Variants in STN1 observed in about 807,000 individuals in gnomAD.
The protein encoded by STN1 is CST complex subunit STN1.
A neutral mutation model predicts 45.5 loss-of-function variants in STN1; 29 were observed. The ratio of observed to expected loss-of-function variants is 0.64; its 90% CI spans 0.47 to 0.87. The LOEUF is 0.87. Ranked by LOEUF, STN1 falls within the 40% of genes least tolerant of loss-of-function variation. STN1 has a pLI of 0.00. For synonymous variants in STN1, 148 were observed against 159.0 expected (o/e 0.93, Z 0.52); for missense variants, 376 against 441.4 (o/e 0.85, Z 1.33).
Position 103,878,082 on chromosome 10 carries a change from A to C in STN1, c.*4602T>G, listed in dbSNP as rs150292187. 3.9e-5 allele frequency: 6 copies of C among 152,340 alleles called. No homozygotes were observed. The East Asian group carries it at 1.2e-3, about 29-fold the overall frequency. The allele number at this position is 152,340 out of a possible 1,614,324, so 9.4% of individuals were successfully genotyped here. Reference sequence around the variant, plus strand: ...GCATCCTGGCACACCATCAGAGGAGAAAATAATGAGAAAGAAGTGTCTTAC... The same window carrying C: ...GCATCCTGGCACACCATCAGAGGAGCAAATAATGAGAAAGAAGTGTCTTAC... On this transcript the variant is annotated 3_prime_UTR_variant, in exon 10 of 10. Transcript: ENST00000224950.
rs745378409 is a variant in STN1, at chr10:103,882,044, G to A, written c.*640C>T. Among the ~76,000 whole-genome samples, 12 of 152,178 alleles carry A rather than the reference G, an allele frequency of 7.9e-5. No individual in the cohort carries two copies. The highest frequency in any genetic ancestry group is 2.0e-4 in the Admixed American group (3 of 15,278). On this transcript the variant is annotated 3_prime_UTR_variant, in exon 10 of 10. Coordinates refer to ENST00000224950, the MANE Select transcript of STN1 (RefSeq NM_024928.5). ...ACTGGGACACCTTTCGATTCCCAAG[G>A]AAATAAAAGGAAAATGACAAACACA...
chr10:103,883,014 G>C (rs563975587), intron 9 of STN1, among the ~76,000 whole-genome samples, 173 bp from the exon 10 acceptor site: 14 of 152,298 alleles, frequency 9.2e-5, no homozygotes, highest in African/African-American at 3.4e-4. Flanking sequence ...AGAAACACCT[G>C]TTCTCAGGCC....
intron 3 of STN1, among the ~76,000 whole-genome samples, chr10:103,906,039 C>T (rs1843238614): frequency 2.0e-5 from 3 of 152,254 alleles, no homozygotes; most frequent in Admixed American, 6.5e-5. Flanking sequence ...TGTAAAAGCA[C>T]ACACAATCCT....
At chr10:103,896,412 G>A (rs1383206817) in intron 7 of STN1, among the ~76,000 whole-genome samples, 1 of 152,040 alleles carries the variant, frequency 6.6e-6, no homozygotes, top group East Asian at 1.9e-4. Flanking sequence ...GGGCAAGGAG[G>A]GACATTTAAG....
intron 3 of STN1, among the ~76,000 whole-genome samples, chr10:103,906,535 C>T (rs1843242634): frequency 6.6e-6 from 1 of 152,026 alleles, no homozygotes; most frequent in Non-Finnish European, 1.5e-5. Context: ...GTGGTATGTG[C>T]CTGTAGTCCC....
chr10:103,883,369 G>A (rs1843083405), intron 9 of STN1, among the ~76,000 whole-genome samples: 1 of 151,944 alleles, frequency 6.6e-6, no homozygotes, highest in Non-Finnish European at 1.5e-5. Flanking sequence ...TCTTATCTGT[G>A]ATGGTTGTAT....
At chr10:103,899,624 C>T (rs1589499675) in intron 5 of STN1, among the ~76,000 whole-genome samples, 1 of 152,002 alleles carries the variant, frequency 6.6e-6, no homozygotes, top group East Asian at 1.9e-4. Context: ...GAATTTGAGG[C>T]TGCATTGGGC....
At chr10:103,909,545 T>TATATATGTAC (rs1843276556) in intron 3 of STN1, among the ~76,000 whole-genome samples, 2 of 72,072 alleles carry the variant, frequency 2.8e-5, no homozygotes, top group African/African-American at 7.2e-5. Flanking sequence ...TATATGTACA[T>TATATATGTAC]ATATATATGC....
In STN1 at chr10:103,897,530, T is replaced by TG. The variant is rs769391981; in HGVS notation, c.753+17dup. The TG allele has an allele frequency of 6.2e-7, 1 of 1,611,924 alleles. No individual in the cohort carries two copies. Among genetic ancestry groups the TG allele is most frequent in the Non-Finnish European group, 8.5e-7 (1 of 1,178,512 alleles). ...GGGGCAGGGAACCAGAATTCTCACA[T>TG]GGGCATGCTGCACTCACTTGGTCGG... is the stretch of plus-strand genomic sequence containing the variant. On this transcript the variant is annotated intron_variant, in intron 7 of 9. Coordinates refer to ENST00000224950, the MANE Select transcript of STN1 (RefSeq NM_024928.5).
chr10:103,910,195 A>G (rs941185913), intron 3 of STN1, among the ~76,000 whole-genome samples: 1 of 152,124 alleles, frequency 6.6e-6, no homozygotes, highest in African/African-American at 2.4e-5. Context: ...ACCACATATT[A>G]CCACGCTTTG....
intron 9 of STN1, among the ~76,000 whole-genome samples, chr10:103,884,362 T>G (rs554089803): frequency 7.7e-4 from 118 of 152,266 alleles, no homozygotes; most frequent in Non-Finnish European, 1.3e-3. Flanking sequence ...AGAGCAGAAA[T>G]AGAACGTTAC....
rs976509429 is a variant in STN1, at chr10:103,880,232, C to T, written c.*2452G>A. ...CCCTACCCAAAGGCAGGAAAGTCCC[C>T]TTAATATGGGGGAGTCTGGGTCTTT... On this transcript the variant is annotated 3_prime_UTR_variant, in exon 10 of 10. Coordinates refer to ENST00000224950, the MANE Select transcript of STN1 (RefSeq NM_024928.5). Among the ~76,000 whole-genome samples the T allele has an allele frequency of 6.6e-6, 1 of 152,160 alleles. No individual in the cohort carries two copies. Among genetic ancestry groups the T allele is most frequent in the East Asian group, 1.9e-4 (1 of 5,192 alleles).
rs563872938 is a variant in STN1, at chr10:103,912,289, C to T, written c.134-1667G>A. 4.4e-4 allele frequency among the ~76,000 whole-genome samples: 67 copies of T among 152,248 alleles called. 3 individuals carry two copies. The highest frequency in any genetic ancestry group is 1.6e-3 in the African/African-American group (66 of 41,540). ...CCCATGCTGGCCTCAAACTCTTGGC[C>T]TCCCAAAGCACTAGAATTATAGGTG... On this transcript the variant is annotated intron_variant, in intron 2 of 9. Coordinates refer to ENST00000224950, the MANE Select transcript of STN1 (RefSeq NM_024928.5).
At chr10:103,886,600 G>C (rs1431215336) in intron 9 of STN1, among the ~76,000 whole-genome samples, 1 of 152,138 alleles carries the variant, frequency 6.6e-6, no homozygotes, top group Non-Finnish European at 1.5e-5. Flanking sequence ...CCTCCTTCCA[G>C]ATCAATATTA....
rs1843042773 is a variant in STN1 at position 103,878,159 on chromosome 10, A to C, written c.*4525T>G. On this transcript the variant is annotated 3_prime_UTR_variant, in exon 10 of 10. Coordinates refer to ENST00000224950, the MANE Select transcript of STN1 (RefSeq NM_024928.5). ...CATATGGGCATAATCATGGCTCTTC[A>C]AACAAATCCTTGACCAGACAGTAGC... The C allele has an allele frequency of 6.6e-6, 1 of 152,378 alleles. No individual in the cohort carries two copies. The highest frequency in any genetic ancestry group is 1.9e-4 in the East Asian group (1 of 5,186). 9.4% of individuals were successfully genotyped at this position (152,378 alleles called of 1,614,324 possible). A position where few individuals can be genotyped will look rare whatever the true frequency, so the allele number is the denominator to read the frequency against.
chr10:103,892,089 T>C (rs753088341), intron 8 of STN1, 41 bp downstream of exon 8: 2 of 1,463,188 alleles, frequency 1.4e-6, no homozygotes, highest in East Asian at 4.6e-5. Context: ...TATTTGTAAT[T>C]GAAGCTACAA....
rs1056364214 is a variant in STN1, at chr10:103,880,824, T to A, written c.*1860A>T. Among the ~76,000 whole-genome samples, 2 of 152,190 alleles carry A rather than the reference T, an allele frequency of 1.3e-5. No individual in the cohort carries two copies. On this transcript the variant is annotated 3_prime_UTR_variant, in exon 10 of 10. Transcript: ENST00000224950. Reference sequence around the variant, plus strand: ...GAGAAGGAGCAACCAGAGAGCTTGGTGTCCTGAAAGCCAAACGCGGAAAGT... The same window carrying A: ...GAGAAGGAGCAACCAGAGAGCTTGGAGTCCTGAAAGCCAAACGCGGAAAGT...
chr10:103,893,433 G>A (rs1371280816), intron 7 of STN1, among the ~76,000 whole-genome samples: 1 of 152,164 alleles, frequency 6.6e-6, no homozygotes, highest in African/African-American at 2.4e-5. Context: ...CTCTCAAAGT[G>A]CTGGGATTAC....
At chr10:103,905,401 CT>C (rs1843234356) in intron 3 of STN1, among the ~76,000 whole-genome samples, 1 of 152,190 alleles carries the variant, frequency 6.6e-6, no homozygotes, top group Non-Finnish European at 1.5e-5. Context: ...TTCACTTATC[CT>C]ACCTCAAGGT....
Sources: gnomAD v4.1 joint callset for allele counts (sites outside exome capture counted in the v4.1 genomes callset) on GRCh38, gnomAD v4.1.1 for gene constraint, MANE v1.5 for transcripts, NCBI Gene and HGNC (gene_info 2026-07-23, HGNC 2026-07-21) for gene names.